Variants in CDH23 observed in about 807,000 individuals in gnomAD.
CDH23 encodes cadherin related 23, also known as cadherin-23.
Under a neutral mutation model 317.1 loss-of-function variants are expected in CDH23, and 189 were observed. That is an observed-to-expected ratio of 0.60 (90% CI 0.53 to 0.67). CDH23 has a LOEUF of 0.67. Among genes scored for constraint, CDH23 ranks in the 30% least tolerant of loss-of-function variants. The pLI is 0.00. For synonymous variants in CDH23, 1,839 were observed against 1,876.8 expected (o/e 0.98, Z 0.52); for missense variants, 4,401 against 4,592.4 (o/e 0.96, Z 1.20).
At chr10:71,731,756 T>G (rs1449482979) in intron 31 of CDH23, among the ~76,000 whole-genome samples, 1 of 152,068 alleles carries the variant, frequency 6.6e-6, no homozygotes, top group Non-Finnish European at 1.5e-5. Flanking sequence ...CTATCTCTGG[T>G]GCCAAGGCCA....
chr10:71,561,622 C>T (rs1303028456), intron 6 of CDH23, among the ~76,000 whole-genome samples: 1 of 152,208 alleles, frequency 6.6e-6, no homozygotes, highest in East Asian at 1.9e-4. Context: ...GGCCCATTTA[C>T]AGCAGGTCCA....
At chr10:71,771,804 T>C (rs1840691825) in intron 38 of CDH23, among the ~76,000 whole-genome samples, 1 of 152,226 alleles carries the variant, frequency 6.6e-6, no homozygotes, top group African/African-American at 2.4e-5. Context: ...TTGGGGCCTC[T>C]CTGCTACTGG....
At chr10:71,720,095 A>T (rs1866482430) in intron 28 of CDH23, among the ~76,000 whole-genome samples, 1 of 152,180 alleles carries the variant, frequency 6.6e-6, no homozygotes, top group South Asian at 2.1e-4. Context: ...GAGGTTCGCT[A>T]TTCAGTGCCT....
chr10:71,798,703 T>C, intron 50 of CDH23, 125 bp downstream of exon 50: 1 of 762,812 alleles, frequency 1.3e-6, no homozygotes, highest in South Asian at 1.9e-5. Context: ...ATGGCCAGCA[T>C]TCCATGCCAG....
chr10:71,515,461 C>T (rs1306332468), intron 6 of CDH23, among the ~76,000 whole-genome samples: 1 of 151,354 alleles, frequency 6.6e-6, no homozygotes, highest in Non-Finnish European at 1.5e-5. Context: ...TACTGGAGTT[C>T]AGCCTAACTC....
chr10:71,697,989 A>C (rs1428692605), intron 22 of CDH23, among the ~76,000 whole-genome samples: 1 of 152,246 alleles, frequency 6.6e-6, no homozygotes, highest in Non-Finnish European at 1.5e-5. Flanking sequence ...AAAAGGGCAA[A>C]ATCAAAATTA....
chr10:71,608,387 C>T (rs1860656019), intron 9 of CDH23, among the ~76,000 whole-genome samples: 1 of 152,204 alleles, frequency 6.6e-6, no homozygotes, highest in African/African-American at 2.4e-5. Flanking sequence ...CTCATCCAGC[C>T]TCCTGCCTCC....
Position 71,790,279 on chromosome 10 carries a change from C to G in CDH23, c.5924-9C>G. The G allele has an allele frequency of 1.2e-6, 2 of 1,613,550 alleles. No individual in the cohort carries two copies. The highest frequency in any genetic ancestry group is 8.5e-7 in the Non-Finnish European group (1 of 1,179,774). On this transcript the variant is annotated splice_polypyrimidine_tract_variant and intron_variant, in intron 45 of 69. Transcript: ENST00000224721. ...TGGTCTTGTGGTGACCCCTCTCCTTCTGGCCCAGGCACCCCTCTCACGGTG... is the reference window on the plus strand; with the variant it reads ...TGGTCTTGTGGTGACCCCTCTCCTTGTGGCCCAGGCACCCCTCTCACGGTG...
At chr10:71,784,193 A>T in intron 41 of CDH23, 94 bp from the exon 42 acceptor site, 9 of 1,394,388 alleles carry the variant, frequency 6.5e-6, no homozygotes, top group Non-Finnish European at 7.8e-6. Flanking sequence ...ACCTGTGACG[A>T]GTGAGGCTTG....
At chr10:71,478,845 C>A (rs1267311286) in intron 3 of CDH23, among the ~76,000 whole-genome samples, 1 of 152,222 alleles carries the variant, frequency 6.6e-6, no homozygotes, top group East Asian at 1.9e-4. Context: ...CTTAGAGCCC[C>A]TCCTTAACAA....
At chr10:71,667,441 G>C (rs1464441961) in intron 14 of CDH23, among the ~76,000 whole-genome samples, 1 of 151,798 alleles carries the variant, frequency 6.6e-6, no homozygotes, top group Non-Finnish European at 1.5e-5. Context: ...CCTCTGAGTA[G>C]AGTCTACCTG....
intron 1 of CDH23, among the ~76,000 whole-genome samples, chr10:71,402,364 G>A (rs185796339): frequency 1.6e-4 from 24 of 152,284 alleles, no homozygotes; most frequent in Non-Finnish European, 2.8e-4. Flanking sequence ...CATTCACTTC[G>A]TGATTTTCAT....
intron 14 of CDH23, among the ~76,000 whole-genome samples, chr10:71,671,638 C>T (rs944222484): frequency 1.2e-5 from 1 of 80,286 alleles, no homozygotes; most frequent in Non-Finnish European, 3.1e-5. Context: ...GACTCAGTCG[C>T]TGCCCCTGCT....
At chr10:71,761,009 G>C (rs1840368468) in intron 38 of CDH23, 1 of 1,391,420 alleles carries the variant, frequency 7.2e-7, no homozygotes, top group Admixed American at 1.7e-5. Context: ...TCCCCCTCCT[G>C]CCCCAGGTTC....
intron 3 of CDH23, among the ~76,000 whole-genome samples, chr10:71,466,511 GAT>G (rs1217259694): frequency 1.3e-5 from 2 of 152,064 alleles, no homozygotes; most frequent in African/African-American, 2.4e-5. Flanking sequence ...TGTCCCTGCT[GAT>G]GTGTGAGTGA....
At chr10:71,718,471 G>A (rs1237285176) in intron 28 of CDH23, among the ~76,000 whole-genome samples, 1 of 152,236 alleles carries the variant, frequency 6.6e-6, no homozygotes, top group East Asian at 1.9e-4. Context: ...CGCCTTTGCG[G>A]CATCAGGCCT....
chr10:71,536,227 A>T (rs540661002), intron 6 of CDH23, among the ~76,000 whole-genome samples: 3 of 152,340 alleles, frequency 2.0e-5, no homozygotes, highest in Non-Finnish European at 4.4e-5. Flanking sequence ...CTGTGGAAGG[A>T]GGGCTCGAGG....
At chr10:71,480,155 G>A (rs1851994335) in intron 3 of CDH23, among the ~76,000 whole-genome samples, 1 of 152,208 alleles carries the variant, frequency 6.6e-6, no homozygotes, top group Non-Finnish European at 1.5e-5. Flanking sequence ...TGGCCCATTG[G>A]CCAGACCTAG....
At chr10:71,578,335 C>T (rs966022945) in intron 9 of CDH23, among the ~76,000 whole-genome samples, 5 of 152,170 alleles carry the variant, frequency 3.3e-5, no homozygotes. Context: ...TCCTATCTAA[C>T]CTCCTGCAGC....
Sources: allele counts gnomAD v4.1 joint callset (sites outside exome capture counted in the v4.1 genomes callset), GRCh38; gene constraint gnomAD v4.1.1; transcripts MANE v1.5; gene names NCBI Gene and HGNC (gene_info 2026-07-23, HGNC 2026-07-21).